PARP8: variants seen among roughly 807,000 people sequenced by gnomAD.
The protein encoded by PARP8 is protein mono-ADP-ribosyltransferase PARP8.
PARP8 carries 51 observed loss-of-function variants against 124.1 expected under a neutral mutation model. The observed-to-expected ratio is 0.41, with a 90% CI of 0.33 to 0.52. The LOEUF (loss-of-function observed/expected upper bound fraction) is 0.52. PARP8 is among the 20% of genes least tolerant of loss of function. The pLI, the probability that PARP8 is intolerant of heterozygous loss-of-function variation, is 0.21. For missense variants in PARP8, 860 were observed against 1,018.9 expected, an observed-to-expected ratio of 0.84 and a Z score of 2.12; for synonymous variants, 391 against 361.5, an observed-to-expected ratio of 1.08 and a Z score of -0.93.
chr5:50,688,227 A>T (rs574881313), intron 2 of PARP8, among the ~76,000 whole-genome samples: 1 of 152,328 alleles, frequency 6.6e-6, no homozygotes, highest in African/African-American at 2.4e-5. Flanking sequence ...TTTCCATTTT[A>T]TAACTCATTT....
chr5:50,744,310 A>T (rs868443141), intron 2 of PARP8, among the ~76,000 whole-genome samples: 6 of 152,284 alleles, frequency 3.9e-5, no homozygotes, highest in South Asian at 2.1e-4. Flanking sequence ...AAGGAAAAGG[A>T]TGGTAATGGA....
intron 17 of PARP8, among the ~76,000 whole-genome samples, chr5:50,824,054 C>G (rs1202832701): frequency 6.6e-6 from 1 of 152,186 alleles, no homozygotes; most frequent in Non-Finnish European, 1.5e-5. Flanking sequence ...CTGTCCTATA[C>G]GTAGCCCTAA....
chr5:50,799,922 A>G (rs1360502367), intron 14 of PARP8, among the ~76,000 whole-genome samples: 1 of 152,202 alleles, frequency 6.6e-6, no homozygotes, highest in Non-Finnish European at 1.5e-5. Flanking sequence ...CAGGCACTGA[A>G]TCTCCTGACA....
intron 14 of PARP8, among the ~76,000 whole-genome samples, chr5:50,809,799 CT>C (rs1283198199): frequency 6.6e-6 from 1 of 151,908 alleles, no homozygotes; most frequent in East Asian, 1.9e-4. Flanking sequence ...CTACACCATG[CT>C]TTTGTTGAAA....
At chr5:50,667,656 G>C in intron 1 of PARP8, 1 of 699,518 alleles carries the variant, frequency 1.4e-6, no homozygotes, top group Non-Finnish European at 2.6e-6. Flanking sequence ...GCCCATCTCC[G>C]GCCCCTTCGG....
At chr5:50,809,191 C>T (rs529620668) in intron 14 of PARP8, among the ~76,000 whole-genome samples, 163 of 152,144 alleles carry the variant, frequency 1.1e-3, no homozygotes, top group Non-Finnish European at 1.7e-3. Context: ...TCTCAATGAA[C>T]GGTACACCTT....
intron 2 of PARP8, among the ~76,000 whole-genome samples, chr5:50,723,047 T>G (rs1756059097): frequency 6.6e-6 from 1 of 152,146 alleles, no homozygotes; most frequent in South Asian, 2.1e-4. Flanking sequence ...GCCCAGCCTT[T>G]TCACTTGGTG....
intron 14 of PARP8, among the ~76,000 whole-genome samples, chr5:50,806,698 AAGAG>A (rs917188682): frequency 1.3e-5 from 2 of 152,084 alleles, no homozygotes; most frequent in Non-Finnish European, 2.9e-5. Flanking sequence ...TGTTGAAAGG[AAGAG>A]AGATAGACAC....
At chr5:50,709,251 C>T (rs1236001174) in intron 2 of PARP8, among the ~76,000 whole-genome samples, 1 of 151,928 alleles carries the variant, frequency 6.6e-6, no homozygotes, top group East Asian at 1.9e-4. Flanking sequence ...AAGATTTCTT[C>T]ATTTTTATGT....
At chr5:50,795,509 C>T (rs1742442814) in intron 12 of PARP8, 92 bp downstream of exon 12, 1 of 1,054,078 alleles carries the variant, frequency 9.5e-7, no homozygotes, top group African/African-American at 1.6e-5. Context: ...AGAAAAGAAG[C>T]AAAACTTTGT....
Position 50,732,826 on chromosome 5 carries a change from G to T in PARP8, c.147-17325G>T, listed in dbSNP as rs185295699. On this transcript the variant is annotated intron_variant, in intron 2 of 25. Transcript: ENST00000281631. Reference sequence around the variant, plus strand: ...TTAGAGACGGGGTTGCACCGTGTTGGCAAGGATGGTCTCGATCTCCTGACC... The same window carrying T: ...TTAGAGACGGGGTTGCACCGTGTTGTCAAGGATGGTCTCGATCTCCTGACC... Among the ~76,000 whole-genome samples, 763 of 151,814 alleles carry T rather than the reference G, an allele frequency of 5.0e-3. 6 individuals carry two copies. The highest frequency in any genetic ancestry group is 6.8e-3 in the Middle Eastern group (2 of 294).
At chr5:50,713,368 GTAGT>G (rs1754973084) in intron 2 of PARP8, among the ~76,000 whole-genome samples, 2 of 152,000 alleles carry the variant, frequency 1.3e-5, no homozygotes, top group Admixed American at 6.6e-5. Context: ...AGCCCTCCAA[GTAGT>G]TAGGACTACA....
At chr5:50,800,647 A>G (rs1331424267) in intron 14 of PARP8, among the ~76,000 whole-genome samples, 7 of 151,230 alleles carry the variant, frequency 4.6e-5, no homozygotes, top group South Asian at 4.2e-4. Context: ...TTGTTTTTCT[A>G]TGTCTCTTGA....
intron 2 of PARP8, among the ~76,000 whole-genome samples, chr5:50,744,522 A>T (rs1758349005): frequency 6.6e-6 from 1 of 152,206 alleles, no homozygotes; most frequent in Non-Finnish European, 1.5e-5. Flanking sequence ...GGTGAAAGTA[A>T]CCATTTTGTT....
In PARP8 at chr5:50,775,615, C is replaced by T. The variant is rs184483501; in HGVS notation, c.519-2454C>T. Among the ~76,000 whole-genome samples the T allele has an allele frequency of 1.9e-3, 288 of 152,236 alleles. 2 individuals carry two copies. The highest frequency in any genetic ancestry group is 6.3e-3 in the African/African-American group (261 of 41,520). Reference sequence around the variant, plus strand: ...TTTTTATTGTAGAAATCTTTCACCTCCTTGGTTTAATTTATTCCTATGTAT... The same window carrying T: ...TTTTTATTGTAGAAATCTTTCACCTTCTTGGTTTAATTTATTCCTATGTAT... On this transcript the variant is annotated intron_variant, in intron 7 of 25. Transcript: ENST00000281631.
chr5:50,765,694 C>CT (rs1351793368), intron 7 of PARP8, among the ~76,000 whole-genome samples: 1 of 152,158 alleles, frequency 6.6e-6, no homozygotes, highest in East Asian at 1.9e-4. Flanking sequence ...AAATAAATAT[C>CT]TTCCTAGAGT....
At chr5:50,788,052 T>G (rs1278873861) in intron 9 of PARP8, among the ~76,000 whole-genome samples, 1 of 149,718 alleles carries the variant, frequency 6.7e-6, no homozygotes, top group Non-Finnish European at 1.5e-5. Context: ...AAATGATGTA[T>G]GTAGATGCAA....
intron 9 of PARP8, 90 bp from the exon 10 acceptor site, chr5:50,788,433 C>T: frequency 8.9e-7 from 1 of 1,123,650 alleles, no homozygotes; most frequent in Non-Finnish European, 1.3e-6. Context: ...TGTATATGCA[C>T]ATATATAATG....
At chr5:50,809,074 T>A (rs2149678589) in intron 14 of PARP8, among the ~76,000 whole-genome samples, 1 of 152,116 alleles carries the variant, frequency 6.6e-6, no homozygotes, top group South Asian at 2.1e-4. Context: ...TCAAATAACA[T>A]CTTTAGTTTT....
Sources: gnomAD v4.1 joint callset for allele counts (sites outside exome capture counted in the v4.1 genomes callset) on GRCh38, gnomAD v4.1.1 for gene constraint, MANE v1.5 for transcripts, NCBI Gene and HGNC (gene_info 2026-07-23, HGNC 2026-07-21) for gene names.